The following WWTR1 variants were observed in gnomAD, a reference collection of about 807,000 sequenced individuals.
WWTR1 encodes WW domain-containing transcription regulator protein 1.
WWTR1 carries 13 observed loss-of-function variants against 40.1 expected under a neutral mutation model. That is an observed-to-expected ratio of 0.32 (90% CI 0.21 to 0.52). WWTR1 has a LOEUF of 0.52. Ranked by LOEUF, WWTR1 falls within the 20% of genes least tolerant of loss-of-function variation. The probability of loss-of-function intolerance (pLI) is 0.97; values close to 1 mark genes in which losing one functional copy is unlikely to be tolerated. For missense variants in WWTR1, 436 were observed against 523.1 expected, an observed-to-expected ratio of 0.83 and a Z score of 1.63; for synonymous variants, 230 against 210.1, an observed-to-expected ratio of 1.09 and a Z score of -0.82.
At chr3:149,557,897 G>T (rs1736902404) in intron 3 of WWTR1, among the ~76,000 whole-genome samples, 2 of 151,626 alleles carry the variant, frequency 1.3e-5, no homozygotes, top group African/African-American at 4.9e-5. Flanking sequence ...CTGCTACTGG[G>T]GAGGCTGAGG....
At chr3:149,651,705 C>G (rs1398720424) in intron 2 of WWTR1, among the ~76,000 whole-genome samples, 1 of 152,168 alleles carries the variant, frequency 6.6e-6, no homozygotes, top group African/African-American at 2.4e-5. Context: ...GATATCTCAT[C>G]CTTTGATTGG....
intron 3 of WWTR1, among the ~76,000 whole-genome samples, chr3:149,557,247 T>C (rs1189603725): frequency 1.3e-5 from 2 of 151,686 alleles, no homozygotes; most frequent in Admixed American, 6.6e-5. Context: ...ATTTTTGTAT[T>C]TTTTAATAGA....
intron 2 of WWTR1, among the ~76,000 whole-genome samples, chr3:149,611,138 A>G (rs1324779808): frequency 6.6e-6 from 1 of 152,204 alleles, no homozygotes; most frequent in East Asian, 1.9e-4. Context: ...GGTGACAGCA[A>G]GACCTCATCT....
intron 2 of WWTR1, among the ~76,000 whole-genome samples, chr3:149,645,177 T>C (rs1412910104): frequency 6.6e-6 from 1 of 152,006 alleles, no homozygotes; most frequent in African/African-American, 2.4e-5. Context: ...CCTCCCAGGT[T>C]CGCGCCATTC....
At chr3:149,640,612 G>A (rs974184286) in intron 2 of WWTR1, among the ~76,000 whole-genome samples, 2 of 151,832 alleles carry the variant, frequency 1.3e-5, no homozygotes, top group African/African-American at 4.8e-5. Context: ...GTAGAGACAG[G>A]GTTTCACCAT....
intron 2 of WWTR1, among the ~76,000 whole-genome samples, chr3:149,575,690 C>T (rs552944532): frequency 1.3e-5 from 2 of 152,204 alleles, no homozygotes; most frequent in African/African-American, 2.4e-5. Flanking sequence ...GCTCGTCCCC[C>T]ACTCTCCCCT....
intron 1 of WWTR1, among the ~76,000 whole-genome samples, chr3:149,684,267 C>T (rs757858523): frequency 2.6e-5 from 4 of 151,978 alleles, no homozygotes; most frequent in Non-Finnish European, 4.4e-5. Flanking sequence ...AATGCCCTTC[C>T]GCCTCAGCCT....
At chr3:149,594,993 C>A (rs557603945) in intron 2 of WWTR1, among the ~76,000 whole-genome samples, 181 of 102,810 alleles carry the variant, frequency 1.8e-3, no homozygotes, top group African/African-American at 5.9e-3. Flanking sequence ...GACGGAGTGT[C>A]GCTCTGTTGC....
At chr3:149,699,038 A>T (rs966332026) in intron 1 of WWTR1, among the ~76,000 whole-genome samples, 10 of 152,212 alleles carry the variant, frequency 6.6e-5, no homozygotes, top group African/African-American at 2.2e-4. Flanking sequence ...TAGTCATGCT[A>T]ATCTCTCTAG....
intron 2 of WWTR1, among the ~76,000 whole-genome samples, chr3:149,625,994 T>C (rs1354871303): frequency 6.6e-6 from 1 of 152,084 alleles, no homozygotes; most frequent in Non-Finnish European, 1.5e-5. Context: ...GTTGAGCTCA[T>C]GGATTAAGGT....
In WWTR1 at chr3:149,632,199, G is replaced by A. The variant is rs140719358; in HGVS notation, c.431+24677C>T. On this transcript the variant is annotated intron_variant, in intron 2 of 6. Transcript: ENST00000360632. The stretch of plus-strand genomic sequence containing the variant: ...AAGTACTGGGATTACGGGCGTGAGA[G>A]TACTTTTTAAAAAATAATTTTTACT... 9.5e-4 allele frequency among the ~76,000 whole-genome samples: 145 copies of A among 152,190 alleles called. 1 individual carries two copies. The highest frequency in any genetic ancestry group is 3.4e-3 in the African/African-American group (140 of 41,526).
At chr3:149,553,300 T>C (rs11716804) in intron 3 of WWTR1, among the ~76,000 whole-genome samples, 58,777 of 151,992 alleles carry the variant, frequency 0.39, 11,786 homozygotes, top group South Asian at 0.49. Flanking sequence ...CCAATCCTTT[T>C]TCGTAGTCAT....
intron 2 of WWTR1, among the ~76,000 whole-genome samples, chr3:149,624,559 A>G (rs1328041871): frequency 6.6e-6 from 1 of 152,184 alleles, no homozygotes; most frequent in East Asian, 1.9e-4. Flanking sequence ...CAGGCTGGCT[A>G]CCACCTTGGA....
At chr3:149,640,375 C>T (rs974590229) in intron 2 of WWTR1, among the ~76,000 whole-genome samples, 32 of 152,248 alleles carry the variant, frequency 2.1e-4, no homozygotes, top group African/African-American at 7.5e-4. Flanking sequence ...TTTTCATAAA[C>T]CAATGCTTTT....
chr3:149,697,140 T>C (rs1301253089), intron 1 of WWTR1, among the ~76,000 whole-genome samples: 1 of 152,006 alleles, frequency 6.6e-6, no homozygotes, highest in Non-Finnish European at 1.5e-5. Context: ...GGGGAATTTA[T>C]AAATAAAAGA....
intron 2 of WWTR1, among the ~76,000 whole-genome samples, chr3:149,573,636 A>C (rs891247129): frequency 4.6e-5 from 7 of 152,214 alleles, no homozygotes; most frequent in Admixed American, 4.6e-4. Flanking sequence ...AAATAATAGT[A>C]GGAAAGTCAA....
chr3:149,583,263 G>A (rs1738242070), intron 2 of WWTR1, among the ~76,000 whole-genome samples: 1 of 152,178 alleles, frequency 6.6e-6, no homozygotes, highest in Admixed American at 6.5e-5. Context: ...ACCACGCCCA[G>A]CCACATGAAT....
At chr3:149,618,858 C>T (rs1202803795) in intron 2 of WWTR1, among the ~76,000 whole-genome samples, 6 of 152,092 alleles carry the variant, frequency 3.9e-5, no homozygotes, top group Admixed American at 3.9e-4. Flanking sequence ...CCTGTCCCCT[C>T]TTCTCCTCCC....
intron 4 of WWTR1, among the ~76,000 whole-genome samples, chr3:149,537,013 T>C (rs1735871207): frequency 6.6e-6 from 1 of 152,216 alleles, no homozygotes; most frequent in Non-Finnish European, 1.5e-5. Context: ...CCTGTTTTCA[T>C]GTCAAGGAAT....
Sources: allele counts gnomAD v4.1 joint callset (sites outside exome capture counted in the v4.1 genomes callset), GRCh38; gene constraint gnomAD v4.1.1; transcripts MANE v1.5; gene names NCBI Gene and HGNC (gene_info 2026-07-23, HGNC 2026-07-21).